Variants in NCOR1 observed in about 807,000 individuals in gnomAD.
NCOR1 encodes protein phosphatase 1, regulatory subunit 109.
In NCOR1, 63 loss-of-function variants were observed where a neutral mutation model predicts 288.1. The ratio of observed to expected loss-of-function variants is 0.22; its 90% CI spans 0.18 to 0.27. The LOEUF (loss-of-function observed/expected upper bound fraction) is 0.27. NCOR1 is among the 10% of genes least tolerant of loss of function. NCOR1 has a pLI of 1.00. For missense variants in NCOR1, 2,397 were observed against 3,019.2 expected (o/e 0.79, Z 4.83); for synonymous variants, 1,007 against 1,065.9 (o/e 0.94, Z 1.08).
chr17:16,086,132 G>A, intron 23 of NCOR1, 150 bp downstream of exon 23: 2 of 901,548 alleles, frequency 2.2e-6, no homozygotes, highest in Admixed American at 2.3e-5. Flanking sequence ...TACAGTGACT[G>A]CTGCATCTTC....
intron 6 of NCOR1, among the ~76,000 whole-genome samples, 196 bp downstream of exon 6, chr17:16,158,564 A>G (rs567371309): frequency 1.8e-3 from 280 of 152,360 alleles, no homozygotes; most frequent in Non-Finnish European, 2.9e-3. Context: ...AATTTAAGGC[A>G]CAACTGTAAA....
At chr17:16,162,769 A>G (rs1478509473) in intron 5 of NCOR1, among the ~76,000 whole-genome samples, 3 of 152,184 alleles carry the variant, frequency 2.0e-5, no homozygotes, top group Non-Finnish European at 4.4e-5. Context: ...AAATTCTAAG[A>G]GATGTTCTTC....
intron 11 of NCOR1, among the ~76,000 whole-genome samples, chr17:16,141,486 A>T (rs186770930): frequency 3.3e-4 from 50 of 152,290 alleles, no homozygotes; most frequent in Admixed American, 1.8e-3. Flanking sequence ...GTTTAACTAG[A>T]ATTCTGAAAC....
At chr17:16,139,434 T>C (rs1599272893) in intron 11 of NCOR1, among the ~76,000 whole-genome samples, 2 of 152,346 alleles carry the variant, frequency 1.3e-5, no homozygotes, top group South Asian at 4.1e-4. Context: ...AAGAATTCTT[T>C]TCTTAAACTA....
intron 1 of NCOR1, among the ~76,000 whole-genome samples, chr17:16,211,815 T>TA (rs2092154774): frequency 1.3e-5 from 2 of 151,940 alleles, no homozygotes; most frequent in Admixed American, 1.3e-4. Context: ...AAAACCAAAA[T>TA]AAAAAACAGA....
At chr17:16,106,525 A>G (rs2068665429) in intron 19 of NCOR1, among the ~76,000 whole-genome samples, 1 of 152,122 alleles carries the variant, frequency 6.6e-6, no homozygotes, top group Non-Finnish European at 1.5e-5. Context: ...AATTCTTCTA[A>G]TCATGAAAGA....
At chr17:16,179,124 C>G (rs774235645) in intron 3 of NCOR1, among the ~76,000 whole-genome samples, 1 of 151,986 alleles carries the variant, frequency 6.6e-6, no homozygotes, top group East Asian at 1.9e-4. Context: ...TATTATATTT[C>G]AAATCTTTGA....
Position 16,057,687 on chromosome 17 carries a change from G to A in NCOR1, c.6219C>T (p.Pro2073=). 1 of 1,614,040 alleles carries A rather than the reference G, an allele frequency of 6.2e-7. No individual in the cohort carries two copies. Among genetic ancestry groups the A allele is most frequent in the Admixed American group, 1.7e-5 (1 of 60,012 alleles). The change falls in exon 40 of 46, where the codon CCC becomes CCT. Residue 2073 remains proline (P), a synonymous_variant. Transcript: ENST00000268712. ...FARNQVSSQT[P]QQPPTSTFQN... ...GGAATGTAGAAGTAGGAGGCTGCTG[G>A]GGAGTCTGCGAGGAAACTTGATTTC...
intron 2 of NCOR1, among the ~76,000 whole-genome samples, chr17:16,193,429 C>T (rs1218194755): frequency 6.6e-6 from 1 of 152,058 alleles, no homozygotes; most frequent in Non-Finnish European, 1.5e-5. Context: ...GATGGGGTTT[C>T]ACCATGTTGG....
intron 3 of NCOR1, among the ~76,000 whole-genome samples, chr17:16,179,944 C>T (rs559322674): frequency 1.4e-4 from 17 of 123,162 alleles, no homozygotes; most frequent in South Asian, 2.5e-4. Flanking sequence ...GGCAACAGAG[C>T]GAGACTCTGT....
intron 14 of NCOR1, among the ~76,000 whole-genome samples, chr17:16,135,060 G>A (rs1452274247): frequency 2.0e-5 from 3 of 151,676 alleles, no homozygotes; most frequent in African/African-American, 7.3e-5. Flanking sequence ...TCAGGAGGCT[G>A]GGGCAGCAGA....
chr17:16,178,585 T>C (rs917974315), intron 3 of NCOR1, among the ~76,000 whole-genome samples: 1 of 149,606 alleles, frequency 6.7e-6, no homozygotes, highest in South Asian at 2.1e-4. Context: ...AAAACAATAA[T>C]GCTACTTTAA....
chr17:16,191,687 A>G (rs1157801742), intron 2 of NCOR1: 1 of 152,226 alleles, frequency 6.6e-6, no homozygotes, highest in Non-Finnish European at 1.5e-5. Context: ...CCAGACAGAA[A>G]CTAGGGGAAA....
chr17:16,039,892 G>A (rs898950286), intron 43 of NCOR1: 4 of 457,256 alleles, frequency 8.7e-6, no homozygotes, highest in Admixed American at 6.8e-5. Flanking sequence ...CCAGATTCAA[G>A]GGATTCTCCT....
Position 16,098,444 on chromosome 17 carries a change from G to C in NCOR1, c.2743C>G (p.Leu915Val), listed in dbSNP as rs2067030427. 1.2e-6 allele frequency: 2 copies of C among 1,613,700 alleles called. No individual in the cohort carries two copies. The highest frequency in any genetic ancestry group is 1.7e-6 in the Non-Finnish European group (2 of 1,179,740). The change falls in exon 21 of 46, where the codon CTC becomes GTC. Residue 915 changes from leucine to valine, a missense_variant. Physicochemically the swap from Leu to Val is conservative, Grantham distance 32 (BLOSUM62 1). This residue lies in a region of NCOR1 where 1,872 missense variants were observed against 2,187.8 expected (regional missense o/e 0.86). Transcript: ENST00000268712. The stretch of plus-strand genomic sequence containing the variant: ...TTTGGTTTTAACGGAGATGAGACGA[G>C]TATAGATCCAGTGGGGTTTAACAGT... Reference protein sequence around the residue: ...PSLLNPTGSILVSSPLKPNPL... With the variant: ...PSLLNPTGSIVVSSPLKPNPL...
chr17:16,169,207 A>G (rs1264907267), intron 4 of NCOR1, among the ~76,000 whole-genome samples: 1 of 152,156 alleles, frequency 6.6e-6, no homozygotes, highest in Non-Finnish European at 1.5e-5. Context: ...AAATATTCAT[A>G]CGGGCTGACT....
At chr17:16,067,681 T>C (rs1438194135) in intron 32 of NCOR1, among the ~76,000 whole-genome samples, 3 of 152,234 alleles carry the variant, frequency 2.0e-5, no homozygotes, top group Admixed American at 6.5e-5. Context: ...GCTTTTCATA[T>C]ACTATTCTTT....
intron 45 of NCOR1, among the ~76,000 whole-genome samples, chr17:16,033,483 A>C (rs1424651817): frequency 6.6e-6 from 1 of 152,198 alleles, no homozygotes; most frequent in Non-Finnish European, 1.5e-5. Flanking sequence ...AACTCAAAAC[A>C]ACCACTTTGC....
chr17:16,039,971 T>C lies in NCOR1; in HGVS notation c.6734-317A>G, dbSNP rs2057247130. 1.5e-5 allele frequency: 6 copies of C among 387,520 alleles called. No individual in the cohort carries two copies. In the Admixed American group the frequency reaches 2.2e-4, roughly 14 times the overall value. The allele number at this position is 387,520 out of a possible 1,614,324, so 24.0% of individuals were successfully genotyped here. ...ACACCAGGCTAATTTTTTGTATTTT[T>C]AGGAGATGGGGTTTCACCATATTGG... On this transcript the variant is annotated intron_variant, in intron 43 of 45. Transcript: ENST00000268712.
Sources: allele counts gnomAD v4.1 joint callset (sites outside exome capture counted in the v4.1 genomes callset), GRCh38; gene constraint gnomAD v4.1.1; regional missense constraint gnomAD v4.1.1; transcripts MANE v1.5; gene names NCBI Gene and HGNC (gene_info 2026-07-23, HGNC 2026-07-21).